Variants in BSPRY observed in about 807,000 individuals in gnomAD.
BSPRY encodes the protein B-box and SPRY domain containing, also known as B box and SPRY domain-containing protein.
BSPRY carries 33 observed loss-of-function variants against 38.0 expected under a neutral mutation model. The ratio of observed to expected loss-of-function variants is 0.87; its 90% CI spans 0.66 to 1.16. The LOEUF is 1.16. BSPRY is among the 50% of genes most tolerant of loss of function. BSPRY has a pLI of 0.00. For missense variants in BSPRY, 523 were observed against 533.2 expected, an observed-to-expected ratio of 0.98 and a Z score of 0.19; for synonymous variants, 224 against 228.5, an observed-to-expected ratio of 0.98 and a Z score of 0.18.
chr9:113,357,467 T>C (rs527960009), intron 2 of BSPRY, among the ~76,000 whole-genome samples: 1 of 152,348 alleles, frequency 6.6e-6, no homozygotes, highest in African/African-American at 2.4e-5. Context: ...GCTTGTATGC[T>C]CAGGAGTGAG....
intron 5 of BSPRY, 86 bp downstream of exon 5, chr9:113,368,469 C>A: frequency 7.9e-6 from 12 of 1,520,314 alleles, no homozygotes; most frequent in Non-Finnish European, 1.1e-5. Flanking sequence ...ACAATGGGGA[C>A]CCGTGCTTCT....
intron 5 of BSPRY, 110 bp from the exon 6 acceptor site, chr9:113,369,506 C>T (rs1189564098): frequency 8.7e-7 from 1 of 1,145,176 alleles, no homozygotes; most frequent in African/African-American, 1.5e-5. Flanking sequence ...GAGTAAATGG[C>T]TTATATGAGG....
Position 113,370,140 on chromosome 9 carries a change from T to A in BSPRY, c.1207T>A (p.Ter403ArgextTer58). The change falls in exon 6 of 6, where the codon TGA becomes AGA. Residue 403 changes from the stop codon to arginine, a stop_lost. Transcript: ENST00000374183. This position sits in a 1 kb window ranked among gnomAD's most constrained non-coding sequence, Gnocchi z 4.8. ...CGATCAGACCATTTCTATCGTCCGC[T>A]GACCTCTGGCCACAGGAAGCCAGGT... is the stretch of plus-strand genomic sequence containing the variant. Reference protein sequence around the residue: ...VADQTISIVR* With the variant: ...VADQTISIVRR 1.3e-6 allele frequency: 2 copies of A among 1,556,230 alleles called. No homozygotes were observed. The highest frequency in any genetic ancestry group is 1.2e-5 in the South Asian group (1 of 81,218).
chr9:113,368,106 T>C (rs1279811597), intron 4 of BSPRY, among the ~76,000 whole-genome samples, 153 bp from the exon 5 acceptor site: 1 of 152,024 alleles, frequency 6.6e-6, no homozygotes, highest in Non-Finnish European at 1.5e-5. Context: ...AGTGCTAGGG[T>C]CACAGGGGTG....
chr9:113,353,657 C>T (rs577625052), intron 1 of BSPRY, among the ~76,000 whole-genome samples: 15 of 152,080 alleles, frequency 9.9e-5, no homozygotes, highest in East Asian at 1.9e-4. Flanking sequence ...GAGCCGAGAT[C>T]GCACCACTGC....
In BSPRY at chr9:113,362,495, G is replaced by A. The variant is rs1834172439; in HGVS notation, c.557+101G>A. ...CCTGCTGCTCTTGGGAGAATGCACA[G>A]GGTGTGCAGCTGAGTGGCTTTTCTG... On this transcript the variant is annotated intron_variant, in intron 4 of 5. Transcript: ENST00000374183. The A allele has an allele frequency of 3.8e-6, 5 of 1,302,280 alleles. No homozygotes were observed. The East Asian group carries it at 1.2e-4, about 30-fold the overall frequency. The allele number at this position is 1,302,280 out of a possible 1,614,324, so 80.7% of individuals were successfully genotyped here.
At chr9:113,369,256 T>C (rs1477299143) in intron 5 of BSPRY, among the ~76,000 whole-genome samples, 1 of 152,202 alleles carries the variant, frequency 6.6e-6, no homozygotes, top group Non-Finnish European at 1.5e-5. Flanking sequence ...TTTGTCTTCA[T>C]TTTGCCCCTC....
intron 2 of BSPRY, among the ~76,000 whole-genome samples, chr9:113,357,886 CTATATATA>C (rs59328879): frequency 1.2e-3 from 116 of 96,790 alleles, no homozygotes; most frequent in Non-Finnish European, 1.8e-3. Context: ...CTGTAGAGTT[CTATATATA>C]TATATATATA....
At position 113,360,460 on chromosome 9, in the gene BSPRY, C is replaced by T. The variant is rs146213287; in HGVS notation, c.301-47C>T. The T allele has an allele frequency of 1.4e-4, 223 of 1,538,228 alleles. 1 individual carries two copies. The African/African-American group carries it at 1.9e-3, about 13-fold the overall frequency. The stretch of plus-strand genomic sequence containing the variant: ...AGCCTAAACCCTCTTAAATCCTGAC[C>T]GGGGCTTTGCACAGACCACCCAACT... On this transcript the variant is annotated intron_variant, in intron 2 of 5. Transcript: ENST00000374183.
chr9:113,362,382 A>G lies in BSPRY; in HGVS notation c.545A>G (p.Glu182Gly). 6.2e-7 allele frequency: 1 copy of G among 1,614,114 alleles called. No homozygotes were observed. The highest frequency in any genetic ancestry group is 8.5e-7 in the Non-Finnish European group (1 of 1,180,008). ...CTTTTCTCACAGCAGAAGGAGCAAG[A>G]GATTTTCGAGAGGTGAGTATAGACC... ...DDLQLIQKEQ[E>G]IFERTEEAEG... The change falls in exon 4 of 6, where the codon GAG (glutamate) becomes GGG (glycine). Residue 182 changes from glutamate (E) to glycine (G), a missense_variant. Transcript: ENST00000374183.
Position 113,349,583 on chromosome 9 carries a change from T to C in BSPRY, c.4T>C (p.Ser2Pro). M[S>P]AEGAEPGPGS... is the part of the protein sequence containing the mutation. ...CGCACGGGGCGGGCGCACGGCCATG[T>C]CCGCCGAGGGCGCGGAGCCGGGGCC... Residue 2 changes from serine (S) to proline (P), a missense_variant, in exon 1 of 6, where the codon TCC becomes CCC. Physicochemically the swap from Ser to Pro is moderately conservative, Grantham distance 74. Transcript: ENST00000374183. The C allele has an allele frequency of 8.6e-7, 1 of 1,167,994 alleles. No individual in the cohort carries two copies. The allele number at this position is 1,167,994 out of a possible 1,614,324, so 72.4% of individuals were successfully genotyped here.
intron 5 of BSPRY, among the ~76,000 whole-genome samples, chr9:113,369,002 TC>T (rs1424806483): frequency 7.3e-5 from 11 of 150,560 alleles, no homozygotes; most frequent in African/African-American, 2.4e-4. Context: ...TTTTTTTTTT[TC>T]AGTTTTAATC....
At chr9:113,352,783 T>C (rs1257483291) in intron 1 of BSPRY, among the ~76,000 whole-genome samples, 1 of 152,064 alleles carries the variant, frequency 6.6e-6, no homozygotes, top group East Asian at 1.9e-4. Context: ...GGGTGCAGGG[T>C]ACCCAGTTAA....
At chr9:113,362,243 C>A in intron 3 of BSPRY, 126 bp from the exon 4 acceptor site, 1 of 801,380 alleles carries the variant, frequency 1.2e-6, no homozygotes, top group African/African-American at 1.7e-5. Flanking sequence ...TTATGCTGGT[C>A]TTAAAGACTA....
intron 1 of BSPRY, among the ~76,000 whole-genome samples, chr9:113,354,012 G>C (rs967608751): frequency 2.6e-5 from 4 of 152,188 alleles, no homozygotes; most frequent in Non-Finnish European, 5.9e-5. Flanking sequence ...GCTGTTGCTG[G>C]AATAGGTATC....
Position 113,369,735 on chromosome 9 carries a change from C to T in BSPRY, c.802C>T (p.Arg268Cys), listed in dbSNP as rs201724584. 3.0e-5 allele frequency: 48 copies of T among 1,614,108 alleles called. No homozygotes were observed. Among genetic ancestry groups the T allele is most frequent in the African/African-American group, 4.0e-5 (3 of 74,940 alleles). Residue 268 changes from arginine (R) to cysteine (C), a missense_variant, in exon 6 of 6, where the codon CGC (arginine) becomes TGC (cysteine). By Grantham distance (180) the Arg-to-Cys change is radical. Transcript: ENST00000374183. ...AAAGGCCTGTGCAGATGGCCCGGAG[C>T]GCTTCGACCACTGGCCCAATGCCCT... ...KSKACADGPE[R>C]FDHWPNALAA...
At chr9:113,363,496 T>C (rs12352548) in intron 4 of BSPRY, among the ~76,000 whole-genome samples, 60,869 of 151,808 alleles carry the variant, frequency 0.4, 14,040 homozygotes, top group African/African-American at 0.64. Context: ...TTCCCAATCC[T>C]ATTCCCTGAC....
intron 1 of BSPRY, among the ~76,000 whole-genome samples, chr9:113,353,132 C>T (rs1333454641): frequency 1.3e-5 from 2 of 151,812 alleles, no homozygotes; most frequent in Non-Finnish European, 2.9e-5. Context: ...ACACCTGTAA[C>T]ATCCCAGCAC....
chr9:113,369,260 G>T (rs1834301006), intron 5 of BSPRY, among the ~76,000 whole-genome samples: 1 of 152,084 alleles, frequency 6.6e-6, no homozygotes, highest in Admixed American at 6.5e-5. Flanking sequence ...TCTTCATTTT[G>T]CCCCTCCCAC....
Sources: gnomAD v4.1 joint callset for allele counts (sites outside exome capture counted in the v4.1 genomes callset) on GRCh38, gnomAD v4.1.1 for gene constraint, Gnocchi (gnomAD v3.1) non-coding constraint, MANE v1.5 for transcripts, NCBI Gene and HGNC (gene_info 2026-07-23, HGNC 2026-07-21) for gene names.